Variants in CLXN observed in about 807,000 individuals in gnomAD.
CLXN encodes calaxin.
At chr8:48,733,623 T>C in the CLXN span, among the ~76,000 whole-genome samples, 1 of 152,238 alleles carries the variant, frequency 6.6e-6, no homozygotes, top group Non-Finnish European at 1.5e-5. Context: ...CCATGACGTA[T>C]AACTATTTCT....
chr8:48,722,975 T>C, the CLXN span, among the ~76,000 whole-genome samples: 1 of 152,126 alleles, frequency 6.6e-6, no homozygotes, highest in Non-Finnish European at 1.5e-5. Context: ...AGAATGGTGG[T>C]TTCCAAGGGC....
chr8:48,725,602 G>A, the CLXN span, among the ~76,000 whole-genome samples: 3 of 152,020 alleles, frequency 2.0e-5, no homozygotes, highest in Non-Finnish European at 2.9e-5. Flanking sequence ...TCGGGAGTTC[G>A]AGACCAGCCT....
At chr8:48,729,783 C>G in the CLXN span, 1 of 1,613,468 alleles carries the variant, frequency 6.2e-7, no homozygotes. Context: ...CCTCAGATGG[C>G]TGTTTGAGAA....
At chr8:48,713,410 G>A in the CLXN span, among the ~76,000 whole-genome samples, 1 of 152,188 alleles carries the variant, frequency 6.6e-6, no homozygotes, top group African/African-American at 2.4e-5. Context: ...GTGACTCTGG[G>A]AGGAAATGGC....
chr8:48,725,660 C>T, the CLXN span, among the ~76,000 whole-genome samples: 1,736 of 152,032 alleles, frequency 0.011, 20 homozygotes, highest in Non-Finnish European at 0.014. Context: ...TAAAATTATC[C>T]GGGCGTGGTG....
chr8:48,728,104 C>T, the CLXN span, among the ~76,000 whole-genome samples: 3 of 152,078 alleles, frequency 2.0e-5, no homozygotes, highest in South Asian at 4.2e-4. Flanking sequence ...GATACTGTTT[C>T]TATATCACAT....
the CLXN span, chr8:48,729,837 TC>T: frequency 6.2e-7 from 1 of 1,613,358 alleles, no homozygotes; most frequent in Non-Finnish European, 8.5e-7. Context: ...TTGAAATGAA[TC>T]CGTCACCATT....
At chr8:48,729,691 A>G in the CLXN span, 2 of 1,565,998 alleles carry the variant, frequency 1.3e-6, no homozygotes, top group Non-Finnish European at 1.7e-6. Context: ...ACAAATTTTA[A>G]TAAAAAACTT....
chr8:48,726,296 CACCT>C, the CLXN span, among the ~76,000 whole-genome samples: 1 of 148,620 alleles, frequency 6.7e-6, no homozygotes, highest in African/African-American at 2.6e-5. Flanking sequence ...TCCATCCACC[CACCT>C]ATCCATCCAT....
chr8:48,712,895 AAGGCTG>A, the CLXN span, among the ~76,000 whole-genome samples: 1 of 151,488 alleles, frequency 6.6e-6, no homozygotes, highest in Non-Finnish European at 1.5e-5. Context: ...AGCTACTCAG[AAGGCTG>A]AGGCAGGAGA....
the CLXN span, chr8:48,728,987 C>G: frequency 7.5e-7 from 1 of 1,331,684 alleles, no homozygotes; most frequent in Admixed American, 2.1e-5. Context: ...TCAAGAAGTC[C>G]TGGGTTGTTC....
the CLXN span, chr8:48,730,519 T>C: frequency 1.3e-6 from 2 of 1,507,984 alleles, no homozygotes; most frequent in African/African-American, 1.4e-5. Context: ...TACGAACCAA[T>C]AGGACAACCT....
At chr8:48,735,114 A>G in the CLXN span, 1 of 1,614,092 alleles carries the variant, frequency 6.2e-7, no homozygotes, top group Non-Finnish European at 8.5e-7. Flanking sequence ...ATTTTTGGTT[A>G]AGGTGTCCGT....
chr8:48,720,000 A>G, the CLXN span, among the ~76,000 whole-genome samples: 1 of 152,216 alleles, frequency 6.6e-6, no homozygotes, highest in African/African-American at 2.4e-5. Context: ...AGAGGAACAT[A>G]AATTGTGAAG....
chr8:48,727,692 G>A, the CLXN span, among the ~76,000 whole-genome samples: 6 of 152,262 alleles, frequency 3.9e-5, no homozygotes, highest in South Asian at 4.2e-4. Context: ...CCTCTGGGGG[G>A]TTTTGAGCAT....
the CLXN span, chr8:48,714,835 CTG>C: frequency 6.6e-6 from 1 of 152,144 alleles, no homozygotes; most frequent in Non-Finnish European, 1.5e-5. Context: ...AAAGTAAGCA[CTG>C]TGTTATGTGA....
the CLXN span, among the ~76,000 whole-genome samples, chr8:48,720,918 C>G: frequency 6.6e-6 from 1 of 152,086 alleles, no homozygotes; most frequent in Non-Finnish European, 1.5e-5. Flanking sequence ...CTGACACTTA[C>G]GGAAAATAGA....
At chr8:48,725,190 C>A in the CLXN span, among the ~76,000 whole-genome samples, 4 of 152,114 alleles carry the variant, frequency 2.6e-5, no homozygotes, top group Non-Finnish European at 5.9e-5. Flanking sequence ...CTCTCTGGAA[C>A]AGGAAGGCTG....
chr8:48,726,331 C>T, the CLXN span, among the ~76,000 whole-genome samples: 3,771 of 148,308 alleles, frequency 0.025, 76 homozygotes, highest in Middle Eastern at 0.039. Context: ...AGCCATTCAC[C>T]TCATCCATCC....
Sources: gnomAD v4.1 joint callset for allele counts (sites outside exome capture counted in the v4.1 genomes callset) on GRCh38, gnomAD v4.1.1 for gene constraint, MANE v1.5 for transcripts, NCBI Gene and HGNC (gene_info 2026-07-23, HGNC 2026-07-21) for gene names.